Variants in SV2C observed in about 807,000 individuals in gnomAD.
SV2C encodes synaptic vesicle glycoprotein 2C, also known as solute carrier family 22 member B3.
In SV2C, 49 loss-of-function variants were observed where a neutral mutation model predicts 79.7. The ratio of observed to expected loss-of-function variants is 0.61; its 90% CI spans 0.49 to 0.78. The LOEUF is 0.78. Ranked by LOEUF, SV2C falls within the 30% of genes least tolerant of loss-of-function variation. The probability of loss-of-function intolerance (pLI) is 0.00; values close to 1 mark genes in which losing one functional copy is unlikely to be tolerated. For missense variants in SV2C, 833 were observed against 912.9 expected (o/e 0.91, Z 1.13); for synonymous variants, 334 against 333.2 (o/e 1.00, Z -0.03).
chr5:76,309,166 G>A (rs1748315946), intron 12 of SV2C, among the ~76,000 whole-genome samples: 1 of 152,176 alleles, frequency 6.6e-6, no homozygotes, highest in African/African-American at 2.4e-5. Flanking sequence ...AAGTCATGAA[G>A]ACTCTTTCAC....
chr5:76,035,759 G>T, the SV2C span, among the ~76,000 whole-genome samples: 1 of 151,476 alleles, frequency 6.6e-6, no homozygotes, highest in Non-Finnish European at 1.5e-5. Context: ...ATGTCTATTA[G>T]GTCTGCTTGG....
chr5:75,921,501 C>T, the SV2C span: 8 of 802,664 alleles, frequency 1.0e-5, no homozygotes, highest in South Asian at 1.1e-4. Context: ...AGGGTTCTTG[C>T]AATGGCCAGG....
chr5:76,043,810 A>C, the SV2C span, among the ~76,000 whole-genome samples: 1 of 152,176 alleles, frequency 6.6e-6, no homozygotes. Context: ...AACAAAGCAA[A>C]AAAGTAGAAG....
the SV2C span, among the ~76,000 whole-genome samples, chr5:76,051,545 A>G: frequency 7.9e-5 from 12 of 152,368 alleles, no homozygotes; most frequent in East Asian, 1.9e-4. Flanking sequence ...ATTCTATTAA[A>G]TACAACTATG....
At chr5:75,963,908 C>T in the SV2C span, among the ~76,000 whole-genome samples, 1 of 151,878 alleles carries the variant, frequency 6.6e-6, no homozygotes, top group East Asian at 1.9e-4. Flanking sequence ...GCTTCATGTT[C>T]CGGTTCTTCT....
the SV2C span, among the ~76,000 whole-genome samples, chr5:75,892,607 C>A: frequency 2.6e-5 from 4 of 151,986 alleles, no homozygotes; most frequent in Non-Finnish European, 5.9e-5. Context: ...TCTGTAGTCC[C>A]CAGTGTCTCT....
chr5:75,898,604 C>T, the SV2C span, among the ~76,000 whole-genome samples: 1 of 152,050 alleles, frequency 6.6e-6, no homozygotes, highest in Admixed American at 6.5e-5. Flanking sequence ...GGGAGGATTC[C>T]CTCTTTTTTT....
the SV2C span, among the ~76,000 whole-genome samples, chr5:76,017,364 G>A: frequency 1.2e-4 from 18 of 152,210 alleles, 1 homozygote; most frequent in East Asian, 2.9e-3. Context: ...TTGGCTCACT[G>A]CAACCTCCTC....
the SV2C span, among the ~76,000 whole-genome samples, chr5:75,877,106 ATAT>A: frequency 6.6e-6 from 1 of 151,790 alleles, no homozygotes; most frequent in African/African-American, 2.4e-5. Flanking sequence ...GTAAAAAGAC[ATAT>A]TATCAAAAAG....
chr5:75,998,951 A>C, the SV2C span, among the ~76,000 whole-genome samples: 3 of 152,100 alleles, frequency 2.0e-5, no homozygotes, highest in Non-Finnish European at 4.4e-5. Context: ...TCAATTTACA[A>C]AAGAAAGAGT....
At chr5:76,150,114 A>G (rs1561237938) in intron 2 of SV2C, among the ~76,000 whole-genome samples, 2 of 152,192 alleles carry the variant, frequency 1.3e-5, no homozygotes, top group Non-Finnish European at 2.9e-5. Flanking sequence ...CACTTTAGCC[A>G]TAAACATGCA....
chr5:76,257,355 C>T (rs886719019), intron 4 of SV2C, among the ~76,000 whole-genome samples: 1 of 147,760 alleles, frequency 6.8e-6, no homozygotes, highest in African/African-American at 2.5e-5. Context: ...GTGTGTACTA[C>T]ATGGTTGTAT....
chr5:75,955,497 T>G, the SV2C span, among the ~76,000 whole-genome samples: 1 of 150,296 alleles, frequency 6.7e-6, no homozygotes, highest in Non-Finnish European at 1.5e-5. Flanking sequence ...AAGGACTTCA[T>G]GTCTAAAACA....
chr5:76,038,333 G>A, the SV2C span, among the ~76,000 whole-genome samples: 1 of 152,254 alleles, frequency 6.6e-6, no homozygotes, highest in Admixed American at 6.5e-5. Context: ...GTAGGGGATT[G>A]AGGGTTAGGG....
Position 76,301,485 on chromosome 5 carries a change from C to A in SV2C, c.1940C>A (p.Thr647Asn). The change falls in exon 12 of 13, where the codon ACC (threonine) becomes AAC (asparagine). Residue 647 changes from threonine to asparagine, a missense_variant. Coordinates refer to ENST00000502798, the MANE Select transcript of SV2C (RefSeq NM_014979.4). ...ATGCTGTGTCTGTACAATGGATTGA[C>A]CATCTCAGCCTGGAACTCTCTTGAC... ...IGMLCLYNGL[T>N]ISAWNSLDVV... 1 of 1,614,046 alleles carries A rather than the reference C, an allele frequency of 6.2e-7. No homozygotes were observed. Among genetic ancestry groups the A allele is most frequent in the South Asian group, 1.1e-5 (1 of 91,068 alleles).
chr5:75,955,107 A>G, the SV2C span, among the ~76,000 whole-genome samples: 41 of 148,700 alleles, frequency 2.8e-4, no homozygotes, highest in African/African-American at 1.0e-3. Context: ...AGCCAAAAGA[A>G]CAAAGCTGGA....
chr5:76,178,059 T>C (rs1263392860), intron 2 of SV2C, among the ~76,000 whole-genome samples: 1 of 152,220 alleles, frequency 6.6e-6, no homozygotes, highest in African/African-American at 2.4e-5. Flanking sequence ...GTGGGGACAG[T>C]AGGTGAGAGC....
intron 4 of SV2C, among the ~76,000 whole-genome samples, chr5:76,269,787 G>A (rs562143790): frequency 6.6e-6 from 1 of 152,306 alleles, no homozygotes; most frequent in East Asian, 1.9e-4. Context: ...TGAGTCATTA[G>A]ATCATTTCTG....
chr5:76,344,408 T>A (rs1749499075), intron 12 of SV2C, among the ~76,000 whole-genome samples: 1 of 152,232 alleles, frequency 6.6e-6, no homozygotes, highest in Non-Finnish European at 1.5e-5. Flanking sequence ...TTGTATTAAT[T>A]TATTTAAAAA....
Sources: gnomAD v4.1 joint callset for allele counts (sites outside exome capture counted in the v4.1 genomes callset) on GRCh38, gnomAD v4.1.1 for gene constraint, MANE v1.5 for transcripts, NCBI Gene and HGNC (gene_info 2026-07-23, HGNC 2026-07-21) for gene names.